LOC128706666: variants seen among roughly 807,000 people sequenced by gnomAD.
At chr20:10,434,174 AGCC>A in the LOC128706666 span, 1 of 152,376 alleles carries the variant, frequency 6.6e-6, no homozygotes, top group East Asian at 1.9e-4. Flanking sequence ...GATCTCAAGC[AGCC>A]GCTGCTGCCG....
the LOC128706666 span, among the ~76,000 whole-genome samples, chr20:10,421,913 G>A: frequency 6.6e-6 from 1 of 152,044 alleles, no homozygotes; most frequent in African/African-American, 2.4e-5. Flanking sequence ...AATAAGGACT[G>A]CTCCACCATC....
At chr20:10,427,029 G>GACACACACACACAC in the LOC128706666 span, among the ~76,000 whole-genome samples, 1,521 of 130,700 alleles carry the variant, frequency 0.012, 29 homozygotes, top group Middle Eastern at 0.017. Flanking sequence ...AGAAAACACT[G>GACACACACACACAC]ACACACACAC....
the LOC128706666 span, among the ~76,000 whole-genome samples, chr20:10,415,312 C>T: frequency 6.6e-6 from 1 of 152,104 alleles, no homozygotes; most frequent in Non-Finnish European, 1.5e-5. Flanking sequence ...AAAGTACTTC[C>T]TAAAAGTAGG....
chr20:10,422,954 G>A, the LOC128706666 span, among the ~76,000 whole-genome samples: 21,718 of 151,874 alleles, frequency 0.14, 1,745 homozygotes, highest in East Asian at 0.24. Context: ...CTTGCGATCC[G>A]CTCGCCTCGG....
chr20:10,433,189 A>G, the LOC128706666 span, among the ~76,000 whole-genome samples: 8 of 152,206 alleles, frequency 5.3e-5, no homozygotes, highest in African/African-American at 1.9e-4. Context: ...TACTTTTAGC[A>G]GAGACCGGGT....
At chr20:10,424,582 C>CAA in the LOC128706666 span, among the ~76,000 whole-genome samples, 104 of 142,242 alleles carry the variant, frequency 7.3e-4, 1 homozygote, top group African/African-American at 2.6e-3. Context: ...GCTAGTTTTA[C>CAA]AAAAAAAAAA....
chr20:10,421,204 C>T, the LOC128706666 span, among the ~76,000 whole-genome samples: 1 of 152,010 alleles, frequency 6.6e-6, no homozygotes, highest in Non-Finnish European at 1.5e-5. Flanking sequence ...CTGAGGCAGG[C>T]AGATTGCCTG....
the LOC128706666 span, among the ~76,000 whole-genome samples, chr20:10,418,821 C>T: frequency 1.3e-5 from 2 of 152,026 alleles, no homozygotes; most frequent in Non-Finnish European, 2.9e-5. Flanking sequence ...ATATAATGGT[C>T]TTACTAGTCT....
At chr20:10,431,474 G>A in the LOC128706666 span, among the ~76,000 whole-genome samples, 7 of 152,056 alleles carry the variant, frequency 4.6e-5, no homozygotes, top group South Asian at 1.3e-3. Flanking sequence ...ACAGGTTTGA[G>A]AAGATAATGG....
At chr20:10,421,503 G>GTTCTATATT in the LOC128706666 span, among the ~76,000 whole-genome samples, 1 of 151,938 alleles carries the variant, frequency 6.6e-6, no homozygotes, top group Non-Finnish European at 1.5e-5. Context: ...AAGAATTTAG[G>GTTCTATATT]TTCTATATTC....
chr20:10,417,416 G>A, the LOC128706666 span, among the ~76,000 whole-genome samples: 1 of 152,120 alleles, frequency 6.6e-6, no homozygotes, highest in South Asian at 2.1e-4. Context: ...TTTGAGACCA[G>A]CCTGGGCAAC....
At chr20:10,424,344 C>T in the LOC128706666 span, among the ~76,000 whole-genome samples, 6 of 152,008 alleles carry the variant, frequency 3.9e-5, no homozygotes, top group African/African-American at 1.4e-4. Context: ...CTGCTTGAGC[C>T]CATGAGTTCG....
the LOC128706666 span, among the ~76,000 whole-genome samples, chr20:10,418,540 A>C: frequency 6.6e-6 from 1 of 152,150 alleles, no homozygotes; most frequent in African/African-American, 2.4e-5. Context: ...AGCCTGTTTA[A>C]ATATCTGCTT....
the LOC128706666 span, among the ~76,000 whole-genome samples, chr20:10,416,932 C>T: frequency 6.6e-6 from 1 of 152,118 alleles, no homozygotes; most frequent in African/African-American, 2.4e-5. Flanking sequence ...GGTATAGACA[C>T]TATATGATCT....
chr20:10,428,957 T>C, the LOC128706666 span, among the ~76,000 whole-genome samples: 5 of 152,146 alleles, frequency 3.3e-5, no homozygotes, highest in African/African-American at 1.2e-4. Flanking sequence ...AACTTCATTA[T>C]CCCCTCTCAT....
At chr20:10,426,866 G>T in the LOC128706666 span, among the ~76,000 whole-genome samples, 1 of 152,174 alleles carries the variant, frequency 6.6e-6, no homozygotes, top group Admixed American at 6.5e-5. Flanking sequence ...CCTACTAATG[G>T]TTGAGATTAG....
chr20:10,429,067 T>C, the LOC128706666 span, among the ~76,000 whole-genome samples: 2 of 152,196 alleles, frequency 1.3e-5, no homozygotes, highest in African/African-American at 4.8e-5. Context: ...CTAAGGCAAC[T>C]GCCCTTTACC....
the LOC128706666 span, among the ~76,000 whole-genome samples, chr20:10,429,534 T>A: frequency 6.6e-6 from 1 of 152,124 alleles, no homozygotes; most frequent in East Asian, 1.9e-4. Flanking sequence ...TCATCTCATA[T>A]AAAAATAAGT....
At chr20:10,415,151 G>A in the LOC128706666 span, among the ~76,000 whole-genome samples, 1 of 152,188 alleles carries the variant, frequency 6.6e-6, no homozygotes, top group East Asian at 1.9e-4. Flanking sequence ...ATAATAATGT[G>A]TGAAAAGAAT....
Sources: allele counts gnomAD v4.1 joint callset (sites outside exome capture counted in the v4.1 genomes callset), GRCh38; gene constraint gnomAD v4.1.1; transcripts MANE v1.5.